The following ATG16L2 variants were observed in gnomAD, a reference collection of about 807,000 sequenced individuals.
The protein encoded by ATG16L2 is protein Atg16l2.
ATG16L2 carries 77 observed loss-of-function variants against 84.7 expected under a neutral mutation model. That is an observed-to-expected ratio of 0.91 (90% CI 0.76 to 1.10). The LOEUF is 1.10. ATG16L2 is among the 50% of genes least tolerant of loss of function. The pLI, the probability that ATG16L2 is intolerant of heterozygous loss-of-function variation, is 0.00. For missense variants in ATG16L2, 782 were observed against 817.6 expected, an observed-to-expected ratio of 0.96 and a Z score of 0.53; for synonymous variants, 361 against 342.8, an observed-to-expected ratio of 1.05 and a Z score of -0.59.
intron 12 of ATG16L2, 43 bp downstream of exon 12, chr11:72,826,632 A>T (rs780097225): frequency 6.2e-7 from 1 of 1,613,928 alleles, no homozygotes; most frequent in African/African-American, 1.3e-5. Flanking sequence ...CAGAGGTCAT[A>T]CCTCAGGACT....
rs1860299802 is a variant in ATG16L2, at chr11:72,825,545, G to T, written c.1102+138G>T. 1.0e-5 allele frequency: 7 copies of T among 687,578 alleles called. No individual in the cohort carries two copies. In the East Asian group the frequency reaches 1.9e-4, roughly 19 times the overall value. 42.6% of individuals were successfully genotyped at this position (687,578 alleles called of 1,614,324 possible). A position where few individuals can be genotyped will look rare whatever the true frequency, so the allele number is the denominator to read the frequency against. On this transcript the variant is annotated intron_variant, in intron 10 of 17. Transcript: ENST00000321297. ...ATTCTGTGGGCAGTGACTAGACAAT[G>T]CCTTGGAAAGAGTGAGACTCTGGGC...
chr11:72,828,062 T>C (rs1239359595), intron 14 of ATG16L2, among the ~76,000 whole-genome samples: 1 of 152,216 alleles, frequency 6.6e-6, no homozygotes, highest in Non-Finnish European at 1.5e-5. Flanking sequence ...CTTCTCTCTC[T>C]CATATTTTTT....
intron 5 of ATG16L2, chr11:72,838,668 TA>T: frequency 1.3e-6 from 1 of 778,062 alleles, no homozygotes; most frequent in Non-Finnish European, 2.2e-6. Context: ...CAGTCACACA[TA>T]ATCCTCCTTG....
At chr11:72,821,484 C>T (rs1565262781) in intron 3 of ATG16L2, 184 bp from the exon 4 acceptor site, 1 of 1,410,204 alleles carries the variant, frequency 7.1e-7, no homozygotes, top group Non-Finnish European at 9.2e-7. Context: ...GCCCGAGGGC[C>T]TTCCACTGCT....
chr11:72,814,704 G>C, intron 1 of ATG16L2, 141 bp downstream of exon 1: 1 of 578,418 alleles, frequency 1.7e-6, no homozygotes, highest in South Asian at 3.9e-5. Context: ...CGCCCATCCC[G>C]ACTGCCAGGA....
At chr11:72,830,973 C>A (rs1047003578), downstream of ATG16L2, among the ~76,000 whole-genome samples, 1 of 152,174 alleles carries the variant, frequency 6.6e-6, no homozygotes, top group African/African-American at 2.4e-5. Context: ...GCTTTTCTTT[C>A]TTCCCAGAAT....
rs759250549 is a variant in ATG16L2, at chr11:72,824,780, C to T, written c.934C>T (p.Arg312Ter). ...CTCAATTGGGGGAGCCCCTGAGCAG[C>T]GATACCAGATCATCCCTGTGTGTGT... Reference protein sequence around the residue: ...GHSIGGAPEQRYQIIPVCVAA... With the variant: ...GHSIGGAPEQ The change falls in exon 9 of 18, where the codon CGA becomes TGA. Residue 312 changes from arginine (R) to a stop codon, truncating the protein, a stop_gained. Coordinates refer to ENST00000321297, the MANE Select transcript of ATG16L2 (RefSeq NM_033388.2). LOFTEE classifies it high-confidence loss of function. 5.0e-6 allele frequency: 8 copies of T among 1,612,530 alleles called. No homozygotes were observed. The highest frequency in any genetic ancestry group is 3.3e-5 in the South Asian group (3 of 90,956).
At chr11:72,828,802 T>C (rs1220821290) in intron 16 of ATG16L2, 26 bp downstream of exon 16, 1 of 1,614,180 alleles carries the variant, frequency 6.2e-7, no homozygotes, top group Admixed American at 1.7e-5. Context: ...CATATGCCTG[T>C]GTCCAAGTGT....
rs773649954 is a variant in ATG16L2, at chr11:72,828,709, C to T, written c.1623-20C>T. On this transcript the variant is annotated intron_variant, in intron 15 of 17. Transcript: ENST00000321297. Reference sequence around the variant, plus strand: ...ACTAGTGATGACCTCTGTTCTGACCCCAGCCCTGTCTGTCCTCAGGGCCGA... The same window carrying T: ...ACTAGTGATGACCTCTGTTCTGACCTCAGCCCTGTCTGTCCTCAGGGCCGA... 3.7e-6 allele frequency: 6 copies of T among 1,613,922 alleles called. No individual in the cohort carries two copies. In the South Asian group the frequency reaches 4.4e-5, roughly 12 times the overall value.
At chr11:72,826,137 C>T (rs776507940) in intron 10 of ATG16L2, 36 bp from the exon 11 acceptor site, 1 of 1,571,418 alleles carries the variant, frequency 6.4e-7, no homozygotes, top group Non-Finnish European at 8.7e-7. Context: ...GAGGTTAAGA[C>T]CTCATTTCAA....
Position 72,822,295 on chromosome 11 carries a change from G to T in ATG16L2, c.644G>T (p.Arg215Leu). 6.6e-7 allele frequency: 1 copy of T among 1,513,304 alleles called. No individual in the cohort carries two copies. The highest frequency in any genetic ancestry group is 8.8e-7 in the Non-Finnish European group (1 of 1,138,938). 93.7% of individuals were successfully genotyped at this position (1,513,304 alleles called of 1,614,324 possible). A position where few individuals can be genotyped will look rare whatever the true frequency, so the allele number is the denominator to read the frequency against. Reference protein sequence around the residue: ...ERNLRNERRERAKQARVSQEL... With the variant: ...ERNLRNERRELAKQARVSQEL... Reference sequence around the variant, plus strand: ...AACCTGCGCAACGAGCGCCGGGAGCGGTGAGGGAGCAGGCCCCGCCCCTCC... The same window carrying T: ...AACCTGCGCAACGAGCGCCGGGAGCTGTGAGGGAGCAGGCCCCGCCCCTCC... Residue 215 changes from arginine to leucine, a missense_variant and splice_region_variant, in exon 5 of 18, where the codon CGG (arginine) becomes CTG (leucine). Arg to Leu is a moderately radical substitution (Grantham distance 102). Transcript: ENST00000321297. This position sits in a 1 kb window ranked among gnomAD's most constrained non-coding sequence, Gnocchi z 4.2.
rs368329251 is a variant in ATG16L2, at chr11:72,814,572, G to A, written c.118+9G>A. ...GGAGCTGGTGCCGGCCTGTGAGTGC[G>A]CCCCGGTGCTGAGAGGATGGCGGCT... On this transcript the variant is annotated intron_variant, in intron 1 of 17. Coordinates refer to ENST00000321297, the MANE Select transcript of ATG16L2 (RefSeq NM_033388.2). 5 of 1,561,568 alleles carry A rather than the reference G, an allele frequency of 3.2e-6. No individual in the cohort carries two copies. Among genetic ancestry groups the A allele is most frequent in the Admixed American group, 1.8e-5 (1 of 55,546 alleles).
At chr11:72,821,604 G>C in intron 3 of ATG16L2, 64 bp from the exon 4 acceptor site, 1 of 1,508,672 alleles carries the variant, frequency 6.6e-7, no homozygotes, top group Non-Finnish European at 8.8e-7. Context: ...AGCGCCTTCG[G>C]CCCCGGAGGG....
rs929120074 is a variant in ATG16L2, at chr11:72,842,855, G to A, written c.*260G>A. ...TCACAAAACATACTAGGGAGCAAGA[G>A]AAAAACAAATCTGGTAAGATAATTA... On this transcript the variant is annotated 3_prime_UTR_variant, in exon 6 of 6. Coordinates refer to the ATG16L2 transcript ENST00000534905. The A allele has an allele frequency of 3.7e-6, 6 of 1,602,108 alleles. No individual in the cohort carries two copies. The African/African-American group carries it at 6.7e-5, about 18-fold the overall frequency.
At chr11:72,842,614 C>A in intron 5 of ATG16L2, 1 of 1,613,984 alleles carries the variant, frequency 6.2e-7, no homozygotes, top group Non-Finnish European at 8.5e-7. Context: ...TCTCCCCTCT[C>A]AGGTACCTGA....
chr11:72,814,485 T>A lies in ATG16L2; in HGVS notation c.40T>A (p.Trp14Arg). 6.5e-7 allele frequency: 1 copy of A among 1,527,758 alleles called. No homozygotes were observed. The highest frequency in any genetic ancestry group is 8.8e-7 in the Non-Finnish European group (1 of 1,134,012). The allele number at this position is 1,527,758 out of a possible 1,614,324, so 94.6% of individuals were successfully genotyped here. ...CGTCCCCGGTGCCCCCGCAGCGCGC[T>A]GGAAACGCCACATCGTGCGGCAGCT... The part of the protein sequence containing the change: ...PGVPGAPAAR[W>R]KRHIVRQLRL... The change falls in exon 1 of 18, where the codon TGG becomes AGG. Residue 14 changes from tryptophan (W) to arginine (R), a missense_variant. Transcript: ENST00000321297.
intron 9 of ATG16L2, 51 bp from the exon 10 acceptor site, chr11:72,825,251 C>A (rs148638811): frequency 3.4e-6 from 5 of 1,470,770 alleles, no homozygotes; most frequent in East Asian, 2.3e-5. Flanking sequence ...TGAGCACTCA[C>A]AGAGACATGC....
rs1189485303 is a variant in ATG16L2, at chr11:72,821,664, C to T, written c.319-4C>T. On this transcript the variant is annotated splice_region_variant and splice_polypyrimidine_tract_variant and intron_variant, in intron 3 of 17. Transcript: ENST00000321297. ...CGCCGCCGTGCCCACCTGTCCGCCC[C>T]CAGATGGCCTACCAGGTGGTGGAGA... 4 of 1,534,686 alleles carry T rather than the reference C, an allele frequency of 2.6e-6. No individual in the cohort carries two copies. The highest frequency in any genetic ancestry group is 3.5e-6 in the Non-Finnish European group (4 of 1,145,248).
At chr11:72,843,727 T>C (rs1034447360), downstream of ATG16L2, 2 of 560,358 alleles carry the variant, frequency 3.6e-6, no homozygotes, top group South Asian at 2.5e-5. Flanking sequence ...AATAAAACCA[T>C]AACAAAAACT....
Sources: gnomAD v4.1 joint callset for allele counts (sites outside exome capture counted in the v4.1 genomes callset) on GRCh38, gnomAD v4.1.1 for gene constraint, Gnocchi (gnomAD v3.1) non-coding constraint, MANE v1.5 for transcripts, NCBI Gene and HGNC (gene_info 2026-07-23, HGNC 2026-07-21) for gene names.